Variants in APBB1IP observed in about 807,000 individuals in gnomAD.
APBB1IP encodes the protein amyloid beta precursor protein binding family B member 1 interacting protein.
Under a neutral mutation model 64.9 loss-of-function variants are expected in APBB1IP, and 27 were observed. That is an observed-to-expected ratio of 0.42 (90% CI 0.31 to 0.57). The LOEUF is 0.57. Among genes scored for constraint, APBB1IP ranks in the 20% least tolerant of loss-of-function variants. The probability of loss-of-function intolerance (pLI) is 0.20; values close to 1 mark genes in which losing one functional copy is unlikely to be tolerated. For missense variants in APBB1IP, 812 were observed against 845.5 expected (o/e 0.96, Z 0.49); for synonymous variants, 392 against 331.0 (o/e 1.18, Z -2.00).
intron 8 of APBB1IP, among the ~76,000 whole-genome samples, chr10:26,515,038 A>ATTTTTTTTT (rs10668002): frequency 7.5e-6 from 1 of 133,038 alleles, no homozygotes; most frequent in Non-Finnish European, 1.6e-5. Context: ...CCCCCGGCTA[A>ATTTTTTTTT]TTTTTTTTTT....
chr10:26,562,092 C>T (rs1836979995), intron 13 of APBB1IP: 2 of 415,270 alleles, frequency 4.8e-6, no homozygotes, highest in Non-Finnish European at 4.5e-6. Flanking sequence ...TTTGCTGAAT[C>T]TCATATAAAG....
At chr10:26,565,520 A>C (rs1837030278) in intron 14 of APBB1IP, among the ~76,000 whole-genome samples, 1 of 152,226 alleles carries the variant, frequency 6.6e-6, no homozygotes, top group African/African-American at 2.4e-5. Flanking sequence ...AGTTCCAAGG[A>C]AGTGATACTC....
Position 26,567,063 on chromosome 10 carries a change from T to C in APBB1IP, c.1576T>C (p.Ser526Pro). The stretch of plus-strand genomic sequence containing the variant: ...CCCGCCCCCTCCGGTGCGGAGGTCC[T>C]CCGACACCAGCGGCAGTCCCGCCAC... Reference protein sequence around the residue: ...LPPPPPVRRSSDTSGSPATPL... With the variant: ...LPPPPPVRRSPDTSGSPATPL... The change falls in exon 15 of 15, where the codon TCC becomes CCC. Residue 526 changes from serine to proline, a missense_variant. This residue lies in a region of APBB1IP where 381 missense variants were observed against 352.1 expected (regional missense o/e 1.08). Coordinates refer to ENST00000376236, the MANE Select transcript of APBB1IP (RefSeq NM_019043.4). 1 of 1,491,146 alleles carries C rather than the reference T, an allele frequency of 6.7e-7. No individual in the cohort carries two copies. The highest frequency in any genetic ancestry group is 8.8e-7 in the Non-Finnish European group (1 of 1,137,040). 92.4% of individuals were successfully genotyped at this position (1,491,146 alleles called of 1,614,324 possible).
intron 2 of APBB1IP, among the ~76,000 whole-genome samples, chr10:26,447,279 G>T (rs763846266): frequency 6.7e-6 from 1 of 149,740 alleles, no homozygotes; most frequent in Non-Finnish European, 1.5e-5. Flanking sequence ...GGAGGCTGAG[G>T]CAGGAGAGTG....
intron 2 of APBB1IP, among the ~76,000 whole-genome samples, chr10:26,450,870 AT>A (rs1835457731): frequency 6.6e-6 from 1 of 151,914 alleles, no homozygotes; most frequent in Non-Finnish European, 1.5e-5. Context: ...TAATTTTTGT[AT>A]TTTTAGTAGA....
chr10:26,533,894 A>AGC (rs1836585626), intron 9 of APBB1IP, among the ~76,000 whole-genome samples: 1 of 152,024 alleles, frequency 6.6e-6, no homozygotes, highest in African/African-American at 2.4e-5. Context: ...CGTGGTAGGA[A>AGC]GTGTGAGATT....
chr10:26,460,010 A>G (rs1232284807), intron 2 of APBB1IP, among the ~76,000 whole-genome samples: 1 of 152,190 alleles, frequency 6.6e-6, no homozygotes, highest in African/African-American at 2.4e-5. Context: ...TAATTTGTAT[A>G]AACAAAATAA....
At chr10:26,545,320 A>G (rs1433373366) in intron 11 of APBB1IP, among the ~76,000 whole-genome samples, 3 of 152,230 alleles carry the variant, frequency 2.0e-5, no homozygotes, top group Middle Eastern at 3.4e-3. Context: ...TTAAGGATAC[A>G]GGGAGGCATG....
chr10:26,461,590 C>T (rs892437387), intron 2 of APBB1IP, among the ~76,000 whole-genome samples: 1 of 151,462 alleles, frequency 6.6e-6, no homozygotes, highest in African/African-American at 2.4e-5. Flanking sequence ...AACTTGCTGA[C>T]TTTCTTTTCT....
chr10:26,530,232 T>TC (rs71401902), intron 8 of APBB1IP, among the ~76,000 whole-genome samples: 59,618 of 123,970 alleles, frequency 0.48, 13,099 homozygotes, highest in Non-Finnish European at 0.5. Context: ...CTTTTTCTTT[T>TC]TTTTTTTTTT....
At chr10:26,565,236 T>C (rs374943786) in intron 14 of APBB1IP, among the ~76,000 whole-genome samples, 1 of 152,238 alleles carries the variant, frequency 6.6e-6, no homozygotes, top group Non-Finnish European at 1.5e-5. Context: ...GTGTTTCTAC[T>C]GTGTGTTGTG....
At chr10:26,538,365 A>G (rs888620845) in intron 10 of APBB1IP, among the ~76,000 whole-genome samples, 2 of 150,946 alleles carry the variant, frequency 1.3e-5, no homozygotes, top group Admixed American at 6.6e-5. Context: ...GTTGCAGGCC[A>G]GGTGCGGTGG....
In APBB1IP at chr10:26,567,019, C is replaced by T. The variant is rs1188657681; in HGVS notation, c.1532C>T (p.Ala511Val). The stretch of plus-strand genomic sequence containing the variant: ...CCGGCAGTGCCCCGGGCCCCGCACG[C>T]CCCCAAGTCCAGCCTGCCCCCGCCC... Reference protein sequence around the residue: ...HDPAVPRAPHAPKSSLPPPPP... With the variant: ...HDPAVPRAPHVPKSSLPPPPP... The change falls in exon 15 of 15, where the codon GCC (alanine) becomes GTC (valine). Residue 511 changes from alanine to valine, a missense_variant. Physicochemically the swap from Ala to Val is moderately conservative, Grantham distance 64. Around this residue, in one of 3 missense-constraint regions of APBB1IP, gnomAD observed 381 missense variants for 352.1 expected, o/e 1.08. Coordinates refer to ENST00000376236, the MANE Select transcript of APBB1IP (RefSeq NM_019043.4). 33 of 1,567,010 alleles carry T rather than the reference C, an allele frequency of 2.1e-5. No homozygotes were observed. Among genetic ancestry groups the T allele is most frequent in the Non-Finnish European group, 2.8e-5 (33 of 1,167,004 alleles).
chr10:26,507,940 A>G (rs1836204427), intron 6 of APBB1IP, among the ~76,000 whole-genome samples: 1 of 152,198 alleles, frequency 6.6e-6, no homozygotes, highest in Non-Finnish European at 1.5e-5. Context: ...GTTTAGATGA[A>G]TTATAATGGC....
intron 2 of APBB1IP, among the ~76,000 whole-genome samples, chr10:26,460,492 G>T (rs1426067435): frequency 2.0e-5 from 3 of 151,964 alleles, no homozygotes; most frequent in African/African-American, 7.2e-5. Flanking sequence ...ATTTTTGCAT[G>T]CATATGTTCA....
intron 8 of APBB1IP, among the ~76,000 whole-genome samples, chr10:26,522,069 C>T (rs547296245): frequency 5.9e-5 from 9 of 152,152 alleles, no homozygotes; most frequent in East Asian, 1.9e-4. Flanking sequence ...TAAATAGATA[C>T]GAAGAATGCC....
At chr10:26,511,613 A>T in intron 6 of APBB1IP, 134 bp from the exon 7 acceptor site, 1 of 1,005,278 alleles carries the variant, frequency 9.9e-7, no homozygotes, top group Non-Finnish European at 1.5e-6. Flanking sequence ...CATGCAAGTT[A>T]GTTTAGATGG....
At chr10:26,517,046 G>C (rs1243210880) in intron 8 of APBB1IP, among the ~76,000 whole-genome samples, 1 of 152,154 alleles carries the variant, frequency 6.6e-6, no homozygotes, top group Non-Finnish European at 1.5e-5. Flanking sequence ...GAGGAATCTT[G>C]ATGGCTTGCT....
chr10:26,505,255 T>C (rs536406395), intron 6 of APBB1IP, among the ~76,000 whole-genome samples: 94 of 152,338 alleles, frequency 6.2e-4, no homozygotes, highest in South Asian at 3.3e-3. Context: ...TGGCTACCCC[T>C]GGAGCCAGAC....
Sources: gnomAD v4.1 joint callset for allele counts (sites outside exome capture counted in the v4.1 genomes callset) on GRCh38, gnomAD v4.1.1 for gene constraint, gnomAD v4.1.1 regional missense constraint, MANE v1.5 for transcripts, NCBI Gene and HGNC (gene_info 2026-07-23, HGNC 2026-07-21) for gene names.